The following RAPGEF6 variants were observed in gnomAD, a reference collection of about 807,000 sequenced individuals.
RAPGEF6 encodes the protein Rap guanine nucleotide exchange factor 6.
A neutral mutation model predicts 171.4 loss-of-function variants in RAPGEF6; 56 were observed. The ratio of observed to expected loss-of-function variants is 0.33; its 90% CI spans 0.26 to 0.41. RAPGEF6 has a LOEUF of 0.41. RAPGEF6 is among the 10% of genes least tolerant of loss of function. RAPGEF6 has a pLI of 1.00. For synonymous variants in RAPGEF6, 692 were observed against 650.1 expected, an observed-to-expected ratio of 1.06 and a Z score of -0.98; for missense variants, 1,674 against 1,921.4, an observed-to-expected ratio of 0.87 and a Z score of 2.41.
intron 4 of RAPGEF6, among the ~76,000 whole-genome samples, chr5:131,584,913 T>C (rs1023780224): frequency 2.0e-5 from 3 of 152,196 alleles, no homozygotes; most frequent in African/African-American, 7.2e-5. Context: ...ATTGGTTTTG[T>C]CTGTACAGGT....
chr5:131,528,953 A>G (rs1338460955), intron 6 of RAPGEF6, among the ~76,000 whole-genome samples: 2 of 152,192 alleles, frequency 1.3e-5, no homozygotes, highest in African/African-American at 4.8e-5. Flanking sequence ...TAAATCAATC[A>G]GTGACCAGTG....
intron 6 of RAPGEF6, among the ~76,000 whole-genome samples, chr5:131,528,049 T>TATATA (rs1231059739): frequency 1.6e-5 from 2 of 128,040 alleles, no homozygotes; most frequent in Non-Finnish European, 1.6e-5. Flanking sequence ...TATATAATTA[T>TATATA]ATATAATATA....
Position 131,592,464 on chromosome 5 carries a change from G to T in RAPGEF6, c.200C>A (p.Ser67Ter). 1 of 1,612,830 alleles carries T rather than the reference G, an allele frequency of 6.2e-7. No individual in the cohort carries two copies. The highest frequency in any genetic ancestry group is 1.1e-5 in the South Asian group (1 of 90,918). ...ATACCAACATCTGGCAATCGTTTCT[G>T]AACTGTTTAAATAAATAAGTAAATA... ...RYSGNQVLFC[S>*]ETIARCWYIL... The change falls in exon 4 of 28, where the codon TCA (serine) becomes TAA (stop). Residue 67 changes from serine to a stop codon, truncating the protein, a stop_gained and splice_region_variant. Transcript: ENST00000509018. LOFTEE classifies it high-confidence loss of function.
intron 25 of RAPGEF6, 139 bp downstream of exon 25, chr5:131,433,291 T>G (rs746889236): frequency 1.5e-6 from 1 of 672,080 alleles, no homozygotes; most frequent in Admixed American, 2.5e-5. Flanking sequence ...GAATAGAGAA[T>G]ATGTGCTTGG....
chr5:131,572,999 C>G (rs1057331739), intron 4 of RAPGEF6, among the ~76,000 whole-genome samples: 3 of 152,134 alleles, frequency 2.0e-5, no homozygotes, highest in African/African-American at 7.2e-5. Flanking sequence ...TTCGCTCCCT[C>G]CCTAGTCTCT....
chr5:131,536,399 C>T (rs908998848), intron 6 of RAPGEF6, among the ~76,000 whole-genome samples: 1 of 152,130 alleles, frequency 6.6e-6, no homozygotes, highest in Non-Finnish European at 1.5e-5. Context: ...CTTCTGCTTT[C>T]AAACTGCATA....
intron 11 of RAPGEF6, 27 bp from the exon 12 acceptor site, chr5:131,498,634 A>G (rs939734634): frequency 1.9e-6 from 3 of 1,599,204 alleles, no homozygotes; most frequent in African/African-American, 1.3e-5. Context: ...AGGAAGGATT[A>G]GAAAATAAAC....
chr5:131,482,650 C>T (rs911366584), intron 15 of RAPGEF6, among the ~76,000 whole-genome samples: 2 of 152,178 alleles, frequency 1.3e-5, no homozygotes, highest in African/African-American at 4.8e-5. Flanking sequence ...AAAATGTCAA[C>T]CTGTAAATAT....
At chr5:131,438,649 T>C (rs577021471) in intron 24 of RAPGEF6, among the ~76,000 whole-genome samples, 3 of 152,316 alleles carry the variant, frequency 2.0e-5, no homozygotes. Context: ...ATATTTAGAA[T>C]GCTACATGTG....
At chr5:131,548,342 G>C (rs1004513231) in intron 5 of RAPGEF6, 152 bp from the exon 6 acceptor site, 6 of 706,592 alleles carry the variant, frequency 8.5e-6, no homozygotes, top group East Asian at 2.7e-5. Context: ...ACGCTCATGA[G>C]TTAAAGATTA....
At chr5:131,587,590 T>G (rs887814479) in intron 4 of RAPGEF6, among the ~76,000 whole-genome samples, 1 of 152,002 alleles carries the variant, frequency 6.6e-6, no homozygotes, top group East Asian at 1.9e-4. Context: ...AACTAGAGAG[T>G]TGTTGGAACT....
At chr5:131,432,448 C>A (rs543177172) in intron 25 of RAPGEF6, among the ~76,000 whole-genome samples, 35 of 152,214 alleles carry the variant, frequency 2.3e-4, no homozygotes, top group Admixed American at 9.8e-4. Context: ...GAAACCCTGT[C>A]TCTACTAAAA....
At chr5:131,507,479 T>C (rs113463931) in intron 9 of RAPGEF6, among the ~76,000 whole-genome samples, 2 of 152,110 alleles carry the variant, frequency 1.3e-5, no homozygotes, top group Non-Finnish European at 2.9e-5. Context: ...GTACATTTGA[T>C]AGGAAAAATA....
chr5:131,550,735 T>C lies in RAPGEF6; in HGVS notation c.352-2545A>G, dbSNP rs533012940. ...CAGACCTCGATTGGCTTATTGTGTA[T>C]ACACACCTAGACTTCTCAAAAATGG... On this transcript the variant is annotated intron_variant, in intron 5 of 27. Transcript: ENST00000509018. 9.8e-5 allele frequency among the ~76,000 whole-genome samples: 15 copies of C among 152,334 alleles called. No homozygotes were observed. The Middle Eastern group carries it at 0.014, about 138-fold the overall frequency.
rs771978548 is a variant in RAPGEF6 at position 131,452,424 on chromosome 5, G to A, written c.3200+630C>T. ...CTTTCTAAATTCTGTTCATTTGTAT[G>A]TAATAAAAACTTATATACAAATGAA... On this transcript the variant is annotated intron_variant, in intron 21 of 27. Transcript: ENST00000509018. Among the ~76,000 whole-genome samples the A allele has an allele frequency of 1.9e-4, 29 of 151,962 alleles. 1 individual carries two copies. The Middle Eastern group carries it at 0.014, about 71-fold the overall frequency.
At chr5:131,495,309 A>C (rs929100570) in intron 13 of RAPGEF6, among the ~76,000 whole-genome samples, 9 of 58,774 alleles carry the variant, frequency 1.5e-4, no homozygotes, top group African/African-American at 5.8e-4. Context: ...AAAACAAATA[A>C]ATACAATAAA....
chr5:131,615,699 C>A (rs1026743706), intron 1 of RAPGEF6, among the ~76,000 whole-genome samples: 1 of 151,904 alleles, frequency 6.6e-6, no homozygotes, highest in Non-Finnish European at 1.5e-5. Flanking sequence ...AAGGAGTTCA[C>A]GACCAGCCTG....
In RAPGEF6 at chr5:131,595,203, C is replaced by T. The variant is rs117667275; in HGVS notation, c.198-2737G>A. Reference sequence around the variant, plus strand: ...CGACTGGATCATGGGGACAGATTTTCCCCCATGCTGTTCTCATGACAGTGA... The same window carrying T: ...CGACTGGATCATGGGGACAGATTTTTCCCCATGCTGTTCTCATGACAGTGA... On this transcript the variant is annotated intron_variant, in intron 3 of 27. Transcript: ENST00000509018. 2.7e-3 allele frequency among the ~76,000 whole-genome samples: 407 copies of T among 152,184 alleles called. 12 individuals are homozygous for T. In the East Asian group the frequency reaches 0.071, roughly 27 times the overall value.
intron 1 of RAPGEF6, among the ~76,000 whole-genome samples, chr5:131,627,382 TC>T (rs1207451813): frequency 6.6e-6 from 1 of 152,218 alleles, no homozygotes; most frequent in Non-Finnish European, 1.5e-5. Context: ...AGTTAGCAGT[TC>T]CAATGAATAC....
Sources: gnomAD v4.1 joint callset for allele counts (sites outside exome capture counted in the v4.1 genomes callset) on GRCh38, gnomAD v4.1.1 for gene constraint, MANE v1.5 for transcripts, NCBI Gene and HGNC (gene_info 2026-07-23, HGNC 2026-07-21) for gene names.